Variants in RNF213 observed in about 807,000 individuals in gnomAD.
The protein encoded by RNF213 is E3 ubiquitin-protein ligase RNF213.
A neutral mutation model predicts 514.4 loss-of-function variants in RNF213; 341 were observed. The ratio of observed to expected loss-of-function variants is 0.66; its 90% confidence interval spans 0.61 to 0.73. The LOEUF (loss-of-function observed/expected upper bound fraction) is 0.73, where lower values mean the gene tolerates loss of function less well. Ranked by LOEUF, RNF213 falls within the 30% of genes least tolerant of loss-of-function variation. RNF213 has a pLI of 0.00. For missense variants in RNF213, 5,767 were observed against 6,615.6 expected (o/e 0.87, Z 4.45); for synonymous variants, 2,655 against 2,658.2 (o/e 1.00, Z 0.04).
chr17:80,279,246 C>T (rs901331107), intron 3 of RNF213, among the ~76,000 whole-genome samples: 3 of 152,192 alleles, frequency 2.0e-5, no homozygotes, highest in African/African-American at 7.2e-5. Context: ...CTGGCTAAAG[C>T]TCCACCAGCA....
Position 80,396,426 on chromosome 17 carries a change from A to T in RNF213, c.*2928A>T, listed in dbSNP as rs2080662875. 6.6e-6 allele frequency: 1 copy of T among 152,176 alleles called. No homozygotes were observed. The highest frequency in any genetic ancestry group is 6.5e-5 in the Admixed American group (1 of 15,278). The allele number at this position is 152,176 out of a possible 1,614,324, so 9.4% of individuals were successfully genotyped here. A position where few individuals can be genotyped will look rare whatever the true frequency, so the allele number is the denominator to read the frequency against. Reference sequence around the variant, plus strand: ...TAGAAACAAACTTCCAGTGATAAATATTGGGAAGAAAATGTCAGCTCAGGG... The same window carrying T: ...TAGAAACAAACTTCCAGTGATAAATTTTGGGAAGAAAATGTCAGCTCAGGG... On this transcript the variant is annotated 3_prime_UTR_variant, in exon 68 of 68. Transcript: ENST00000582970.
rs745667885 is a variant in RNF213 at position 80,346,964 on chromosome 17, A to G, written c.8629A>G (p.Lys2877Glu). 1.4e-5 allele frequency: 22 copies of G among 1,613,698 alleles called. No individual in the cohort carries two copies. Among genetic ancestry groups the G allele is most frequent in the Non-Finnish European group, 1.8e-5 (21 of 1,179,880 alleles). ...GCIEDDPAPH[K>E]KVGFVGISNW... Reference sequence around the variant, plus strand: ...CATTGAAGACGATCCCGCCCCCCACAAAAAGGTCGGCTTCGTGGGCATCTC... The same window carrying G: ...CATTGAAGACGATCCCGCCCCCCACGAAAAGGTCGGCTTCGTGGGCATCTC... Residue 2877 changes from lysine (K) to glutamate (E), a missense_variant, in exon 29 of 68, where the codon AAA (lysine) becomes GAA (glutamate). Lys to Glu is a moderately conservative substitution (Grantham distance 56). Coordinates refer to ENST00000582970, the MANE Select transcript of RNF213 (RefSeq NM_001256071.3). The surrounding 1 kb of genome is among the most constrained non-coding windows in gnomAD (Gnocchi z 8.1).
rs2079444896 is a variant in RNF213 at position 80,369,835 on chromosome 17, C to T, written c.12393C>T (p.Arg4131=). The part of the protein sequence containing the change: ...NDVVDKTPVI[R]SVILKLLLKY... The stretch of plus-strand genomic sequence containing the variant: ...TTGTGGATAAGACTCCTGTCATCCG[C>T]TCAGTGATACTGAAACTGCTTTTGA... The change falls in exon 46 of 68, where the codon CGC becomes CGT. Residue 4131 remains arginine, a synonymous_variant. Transcript: ENST00000582970. 6.2e-7 allele frequency: 1 copy of T among 1,613,162 alleles called. No homozygotes were observed. Among genetic ancestry groups the T allele is most frequent in the Non-Finnish European group, 8.5e-7 (1 of 1,179,178 alleles).
At chr17:80,392,589 T>G (rs1032776986) in intron 67 of RNF213, among the ~76,000 whole-genome samples, 2 of 125,052 alleles carry the variant, frequency 1.6e-5, no homozygotes, top group African/African-American at 6.5e-5. Context: ...CTTAAACTGC[T>G]CCTCAGGATT....
chr17:80,360,048 C>T lies in RNF213; in HGVS notation c.11055-13C>T, dbSNP rs1279626202. 8.1e-6 allele frequency: 13 copies of T among 1,613,838 alleles called. No individual in the cohort carries two copies. The highest frequency in any genetic ancestry group is 1.1e-5 in the Non-Finnish European group (13 of 1,179,918). On this transcript the variant is annotated splice_polypyrimidine_tract_variant and intron_variant, in intron 37 of 67. Coordinates refer to ENST00000582970, the MANE Select transcript of RNF213 (RefSeq NM_001256071.3). The stretch of plus-strand genomic sequence containing the variant: ...CACAAACCCTCTTCTTATCATCCCT[C>T]ACCTTATTGCAGACATAAAGGTGAG...
intron 3 of RNF213, among the ~76,000 whole-genome samples, chr17:80,280,081 C>G (rs2044204538): frequency 6.6e-6 from 1 of 151,942 alleles, no homozygotes; most frequent in Non-Finnish European, 1.5e-5. Flanking sequence ...TCAAGGCAGG[C>G]ATGCTCTTTC....
rs566777391 is a variant in RNF213, at chr17:80,381,857, A to G, written c.13978+130A>G. 1.7e-5 allele frequency: 15 copies of G among 907,832 alleles called. No homozygotes were observed. The East Asian group carries it at 3.2e-4, about 19-fold the overall frequency. The allele number at this position is 907,832 out of a possible 1,614,324, so 56.2% of individuals were successfully genotyped here. ...GTCTGTGCTGTTGCTGGAAAGAATG[A>G]GAGAACACACAGAGAGAAAACCGTG... On this transcript the variant is annotated intron_variant, in intron 57 of 67. Coordinates refer to ENST00000582970, the MANE Select transcript of RNF213 (RefSeq NM_001256071.3).
intron 11 of RNF213, among the ~76,000 whole-genome samples, chr17:80,299,556 T>G (rs1454141234): frequency 1.3e-5 from 2 of 151,952 alleles, no homozygotes; most frequent in East Asian, 3.8e-4. Context: ...ATTTATTTAT[T>G]TATTTATTTA....
intron 47 of RNF213, 71 bp from the exon 48 acceptor site, chr17:80,372,450 G>A (rs923059984): frequency 1.3e-5 from 14 of 1,098,732 alleles, no homozygotes; most frequent in African/African-American, 3.1e-5. Context: ...TCACATTGGC[G>A]ACTGTAGAAG....
chr17:80,342,858 T>A (rs182465112), intron 26 of RNF213, among the ~76,000 whole-genome samples: 1 of 151,088 alleles, frequency 6.6e-6, no homozygotes, highest in South Asian at 2.1e-4. Flanking sequence ...CAGGCTGGAG[T>A]GTAGTGGTGC....
At chr17:80,370,115 C>G (rs1337756788) in intron 46 of RNF213, among the ~76,000 whole-genome samples, 3 of 152,206 alleles carry the variant, frequency 2.0e-5, no homozygotes, top group African/African-American at 7.2e-5. Flanking sequence ...GTGAAGGGAC[C>G]ACAGTGGCGT....
In RNF213 at chr17:80,347,618, G is replaced by A; in HGVS notation, c.9283G>A (p.Glu3095Lys). Residue 3095 changes from glutamate to lysine, a missense_variant, in exon 29 of 68, where the codon GAA becomes AAA. Physicochemically the swap from Glu to Lys is moderately conservative, Grantham distance 56 (BLOSUM62 1). Coordinates refer to ENST00000582970, the MANE Select transcript of RNF213 (RefSeq NM_001256071.3). The surrounding 1 kb of genome is among the most constrained non-coding windows in gnomAD (Gnocchi z 7.2). ...CATCAATCGTGTGAAGATCTGCATG[G>A]AAACAGGCAAGATGGTGTTGCTTCT... ...RNINRVKICM[E>K]TGKMVLLLNL... The A allele has an allele frequency of 6.2e-7, 1 of 1,614,130 alleles. No homozygotes were observed. Among genetic ancestry groups the A allele is most frequent in the Non-Finnish European group, 8.5e-7 (1 of 1,180,036 alleles).
intron 51 of RNF213, 55 bp from the exon 52 acceptor site, chr17:80,376,246 G>A (rs971089192): frequency 1.3e-5 from 21 of 1,598,214 alleles, no homozygotes; most frequent in Non-Finnish European, 1.7e-5. Flanking sequence ...ATGTCTAAGA[G>A]CAATTCACAC....
At chr17:80,351,468 G>A (rs9896984) in intron 31 of RNF213, among the ~76,000 whole-genome samples, 11,614 of 152,266 alleles carry the variant, frequency 0.076, 952 homozygotes, top group African/African-American at 0.21. Context: ...AAAACGAGCC[G>A]CTAAGAGAAG....
chr17:80,294,477 C>T (rs548260437), intron 8 of RNF213, among the ~76,000 whole-genome samples: 2 of 152,330 alleles, frequency 1.3e-5, no homozygotes, highest in African/African-American at 4.8e-5. Flanking sequence ...TGACCCTGGG[C>T]TTTCCACTCA....
chr17:80,270,732 A>T (rs2043793725), intron 2 of RNF213, among the ~76,000 whole-genome samples: 1 of 152,102 alleles, frequency 6.6e-6, no homozygotes, highest in Non-Finnish European at 1.5e-5. Context: ...GACTGTTTAT[A>T]CTGGGAACAG....
In RNF213 at chr17:80,332,341, A is replaced by C; in HGVS notation, c.3853A>C (p.Lys1285Gln). Residue 1285 changes from lysine (K) to glutamine (Q), a missense_variant, in exon 21 of 68, where the codon AAG becomes CAG. Coordinates refer to ENST00000582970, the MANE Select transcript of RNF213 (RefSeq NM_001256071.3). Reference protein sequence around the residue: ...YDYLYQPSYRKFIKLHQDLKS... With the variant: ...YDYLYQPSYRQFIKLHQDLKS... Reference sequence around the variant, plus strand: ...CTATTTGTATCAGCCTTCTTACAGAAAGTTCATTAAGTTGCACCAGGATCT... The same window carrying C: ...CTATTTGTATCAGCCTTCTTACAGACAGTTCATTAAGTTGCACCAGGATCT... The C allele has an allele frequency of 2.6e-6, 4 of 1,537,174 alleles. No homozygotes were observed. Among genetic ancestry groups the C allele is most frequent in the Non-Finnish European group, 3.5e-6 (4 of 1,146,904 alleles).
At chr17:80,337,257 C>T (rs775226220) in intron 23 of RNF213, among the ~76,000 whole-genome samples, 2 of 152,210 alleles carry the variant, frequency 1.3e-5, no homozygotes, top group Non-Finnish European at 2.9e-5. Context: ...AGAATGATGG[C>T]GTCTGGTAGA....
At chr17:80,390,829 G>T (rs932172644) in intron 67 of RNF213, among the ~76,000 whole-genome samples, 1 of 152,120 alleles carries the variant, frequency 6.6e-6, no homozygotes, top group Non-Finnish European at 1.5e-5. Context: ...TTGGGAGGCC[G>T]AGGTGGGTGG....
Sources: allele counts gnomAD v4.1 joint callset (sites outside exome capture counted in the v4.1 genomes callset), GRCh38; gene constraint gnomAD v4.1.1; non-coding constraint Gnocchi (gnomAD v3.1); transcripts MANE v1.5; gene names NCBI Gene and HGNC (gene_info 2026-07-23, HGNC 2026-07-21).